The following MGAM2 variants were observed in gnomAD, a reference collection of about 807,000 sequenced individuals.
MGAM2 encodes the protein maltase-glucoamylase 2 (putative).
A neutral mutation model predicts 96.1 loss-of-function variants in MGAM2; 98 were observed. The observed-to-expected ratio is 1.02, with a 90% CI of 0.87 to 1.21. The LOEUF (loss-of-function observed/expected upper bound fraction) is 1.21. Among genes scored for constraint, MGAM2 ranks in the 50% most tolerant of loss-of-function variants. MGAM2 has a pLI of 0.00. For synonymous variants in MGAM2, 749 were observed against 414.8 expected (o/e 1.81, Z -9.79); for missense variants, 2,055 against 1,182.4 (o/e 1.74, Z -10.82).
chr7:142,125,970 T>C (rs1794724733), intron 3 of MGAM2, among the ~76,000 whole-genome samples: 1 of 152,198 alleles, frequency 6.6e-6, no homozygotes, highest in South Asian at 2.1e-4. Flanking sequence ...TGGCTTAGTG[T>C]ATATCCTTCT....
chr7:142,171,168 G>A lies in MGAM2; in HGVS notation c.3183-104G>A. 4 of 695,724 alleles carry A rather than the reference G, an allele frequency of 5.7e-6. No individual in the cohort carries two copies. The South Asian group carries it at 6.0e-5, about 10-fold the overall frequency. The allele number at this position is 695,724 out of a possible 1,614,324, so 43.1% of individuals were successfully genotyped here. On this transcript the variant is annotated intron_variant, in intron 27 of 47. Coordinates refer to ENST00000477922, the MANE Select transcript of MGAM2 (RefSeq NM_001293626.2). ...AGTATTTGAACCTGGATCTAAATGT[G>A]CAATAATTAAGGAGGCTTTGGAATC...
intron 32 of MGAM2, among the ~76,000 whole-genome samples, chr7:142,181,123 T>C (rs1403560663): frequency 1.3e-5 from 2 of 152,212 alleles, no homozygotes; most frequent in African/African-American, 4.8e-5. Context: ...ACTTTTTGAA[T>C]TGCTAGGGTT....
chr7:142,192,453 C>G (rs1796899493), intron 37 of MGAM2, among the ~76,000 whole-genome samples: 1 of 152,170 alleles, frequency 6.6e-6, no homozygotes, highest in Non-Finnish European at 1.5e-5. Flanking sequence ...TCCCTGCTTT[C>G]AAGGACCTCA....
rs769772065 is a variant in MGAM2, at chr7:142,173,299, A to G, written c.3632A>G (p.Asn1211Ser). 2.8e-6 allele frequency: 2 copies of G among 703,124 alleles called. No homozygotes were observed. Among genetic ancestry groups the G allele is most frequent in the South Asian group, 3.0e-5 (2 of 67,592 alleles). The allele number at this position is 703,124 out of a possible 1,614,324, so 43.6% of individuals were successfully genotyped here. ...GFHLSRYGYQ[N>S]DAEISSLYDA... is the part of the protein sequence containing the mutation. ...CATCTGAGTCGCTATGGATACCAGA[A>G]TGATGCTGAAATCTCCAGTTTGTAT... is the stretch of plus-strand genomic sequence containing the variant. The change falls in exon 31 of 48, where the codon AAT becomes AGT. Residue 1211 changes from asparagine (N) to serine (S), a missense_variant. Transcript: ENST00000477922.
Position 142,116,961 on chromosome 7 carries a change from G to A in MGAM2, c.88G>A (p.Val30Met), listed in dbSNP as rs1266640759. The change falls in exon 2 of 48, where the codon GTG becomes ATG. Residue 30 changes from valine to methionine, a missense_variant. Transcript: ENST00000477922. The part of the protein sequence containing the change: ...VTIDILLLLL[V>M]LEETSDTSFT... ...CATAGATATCCTCTTGCTGCTTCTT[G>A]TGTTGGAGGAAACTTCAGGTAAGGG... is the stretch of plus-strand genomic sequence containing the variant. 1 of 703,212 alleles carries A rather than the reference G, an allele frequency of 1.4e-6. No individual in the cohort carries two copies. The highest frequency in any genetic ancestry group is 2.7e-5 in the East Asian group (1 of 37,274). The allele number at this position is 703,212 out of a possible 1,614,324, so 43.6% of individuals were successfully genotyped here.
intron 31 of MGAM2, 116 bp downstream of exon 31, chr7:142,173,470 T>C (rs1368615679): frequency 5.1e-6 from 3 of 590,614 alleles, no homozygotes; most frequent in South Asian, 2.2e-5. Flanking sequence ...TCAGGCTGAA[T>C]TTTTTTTCTT....
At chr7:142,203,871 A>C (rs1013766916) in intron 45 of MGAM2, among the ~76,000 whole-genome samples, 1 of 152,184 alleles carries the variant, frequency 6.6e-6, no homozygotes, top group Non-Finnish European at 1.5e-5. Context: ...TTTAAATGTA[A>C]GACCTCAAAC....
rs909961815 is a variant in MGAM2 at position 142,160,207 on chromosome 7, G to T, written c.2294G>T (p.Arg765Leu). ...LPGDKIGLHL[R>L]GGYIFPTQKP... ...GGTGACAAGATAGGACTTCATCTGC[G>T]AGGGGGCTACATATTTCCCACTCAG... Residue 765 changes from arginine (R) to leucine (L), a missense_variant, in exon 21 of 48, where the codon CGA becomes CTA. Arg to Leu is a moderately radical substitution (Grantham distance 102). Transcript: ENST00000477922. The T allele has an allele frequency of 1.4e-6, 1 of 702,508 alleles. No homozygotes were observed. The highest frequency in any genetic ancestry group is 1.7e-5 in the African/African-American group (1 of 57,220). 43.5% of individuals were successfully genotyped at this position (702,508 alleles called of 1,614,324 possible).
rs1397021887 is a variant in MGAM2 at position 142,173,264 on chromosome 7, C to T, written c.3597C>T (p.Ala1199=). Residue 1199 remains alanine (A), a synonymous_variant, in exon 31 of 48, where the codon GCC becomes GCT. Transcript: ENST00000477922. ...IGRPAMIPYW[A]LGFHLSRYGY... is the part of the protein sequence containing the mutation. ...GGCCAGCAATGATTCCATACTGGGC[C>T]TTGGGATTCCATCTGAGTCGCTATG... 8.5e-6 allele frequency: 6 copies of T among 702,994 alleles called. No individual in the cohort carries two copies. The highest frequency in any genetic ancestry group is 1.6e-5 in the Non-Finnish European group (6 of 384,956). 43.5% of individuals were successfully genotyped at this position (702,994 alleles called of 1,614,324 possible). A position where few individuals can be genotyped will look rare whatever the true frequency, so the allele number is the denominator to read the frequency against.
chr7:142,159,315 C>T lies in MGAM2; in HGVS notation c.2192C>T (p.Pro731Leu). 1 of 702,572 alleles carries T rather than the reference C, an allele frequency of 1.4e-6. No homozygotes were observed. The highest frequency in any genetic ancestry group is 2.6e-6 in the Non-Finnish European group (1 of 384,700). 43.5% of individuals were successfully genotyped at this position (702,572 alleles called of 1,614,324 possible). A position where few individuals can be genotyped will look rare whatever the true frequency, so the allele number is the denominator to read the frequency against. The change falls in exon 20 of 48, where the codon CCT becomes CTT. Residue 731 changes from proline to leucine, a missense_variant. Transcript: ENST00000477922. ...EGVDEVKAYIPDATWYDYETG... is the reference protein window; with the variant it reads ...EGVDEVKAYILDATWYDYETG... ...GTGGACGAAGTGAAAGCATACATAC[C>T]TGATGCCACCTGGTATGACTATGAG...
chr7:142,121,225 G>A (rs1441627605), intron 3 of MGAM2, among the ~76,000 whole-genome samples: 3 of 149,202 alleles, frequency 2.0e-5, no homozygotes, highest in Non-Finnish European at 4.5e-5. Flanking sequence ...TCTCCTGGCT[G>A]GAGTGCAGTG....
chr7:142,171,116 C>A, intron 27 of MGAM2, 156 bp from the exon 28 acceptor site: 1 of 676,086 alleles, frequency 1.5e-6, no homozygotes, highest in Non-Finnish European at 2.7e-6. Flanking sequence ...TGAGTCAGGG[C>A]CATTGTTATG....
At chr7:142,213,806 C>T (rs939652192) in intron 46 of MGAM2, among the ~76,000 whole-genome samples, 1 of 152,206 alleles carries the variant, frequency 6.6e-6, no homozygotes, top group African/African-American at 2.4e-5. Flanking sequence ...TCTGCCCTAA[C>T]TCATTTTATG....
intron 46 of MGAM2, among the ~76,000 whole-genome samples, chr7:142,213,992 G>T (rs1470409986): frequency 1.3e-5 from 2 of 152,140 alleles, no homozygotes; most frequent in African/African-American, 4.8e-5. Context: ...GGGATGCAAG[G>T]CTGGTTCAAC....
chr7:142,187,666 T>C (rs10225715), intron 35 of MGAM2, 84 bp from the exon 36 acceptor site: 1 of 649,370 alleles, frequency 1.5e-6, no homozygotes, highest in African/African-American at 1.8e-5. Context: ...GCTTCAAAAG[T>C]CATCTCCCTG....
At chr7:142,207,341 G>A (rs1797433668) in intron 45 of MGAM2, among the ~76,000 whole-genome samples, 1 of 152,300 alleles carries the variant, frequency 6.6e-6, no homozygotes, top group East Asian at 1.9e-4. Context: ...AGGAGCTGGA[G>A]TTTAGGAGAT....
intron 37 of MGAM2, among the ~76,000 whole-genome samples, chr7:142,192,178 C>A (rs929209142): frequency 6.6e-6 from 1 of 151,980 alleles, no homozygotes; most frequent in Admixed American, 6.6e-5. Flanking sequence ...TCATGTTGCC[C>A]CTGGTGTTCC....
chr7:142,166,690 C>T (rs1421986175), intron 25 of MGAM2, among the ~76,000 whole-genome samples: 1 of 152,136 alleles, frequency 6.6e-6, no homozygotes, highest in Non-Finnish European at 1.5e-5. Flanking sequence ...TGCCTGGAGG[C>T]TCCTGTCTCC....
intron 14 of MGAM2, among the ~76,000 whole-genome samples, chr7:142,145,257 C>A (rs961253113): frequency 2.6e-5 from 4 of 152,168 alleles, no homozygotes; most frequent in African/African-American, 9.7e-5. Flanking sequence ...ATTTTAAAAT[C>A]TATGAGAATT....
Sources: gnomAD v4.1 joint callset for allele counts (sites outside exome capture counted in the v4.1 genomes callset) on GRCh38, gnomAD v4.1.1 for gene constraint, MANE v1.5 for transcripts, NCBI Gene and HGNC (gene_info 2026-07-23, HGNC 2026-07-21) for gene names.